KALRN: variants seen among roughly 807,000 people sequenced by gnomAD.
KALRN encodes kalirin.
KALRN carries 70 observed loss-of-function variants against 353.7 expected under a neutral mutation model. That is an observed-to-expected ratio of 0.20 (90% CI 0.16 to 0.24). The LOEUF (loss-of-function observed/expected upper bound fraction) is 0.24. Among genes scored for constraint, KALRN ranks in the 10% least tolerant of loss-of-function variants. KALRN has a pLI of 1.00. For missense variants in KALRN, 2,791 were observed against 3,756.7 expected, an observed-to-expected ratio of 0.74 and a Z score of 6.72; for synonymous variants, 1,391 against 1,434.8, an observed-to-expected ratio of 0.97 and a Z score of 0.69.
intron 7 of KALRN, among the ~76,000 whole-genome samples, chr3:124,326,906 T>C (rs891405208): frequency 2.6e-5 from 4 of 152,260 alleles, no homozygotes; most frequent in African/African-American, 9.6e-5. Flanking sequence ...ATTCATCACT[T>C]CCTGATTATT....
chr3:124,185,004 GGTTT>G (rs138428169), intron 1 of KALRN, among the ~76,000 whole-genome samples: 22 of 152,076 alleles, frequency 1.4e-4, no homozygotes, highest in Non-Finnish European at 2.2e-4. Flanking sequence ...CATTTATGGA[GGTTT>G]GTTTGTTTGT....
At chr3:124,195,726 G>C (rs973676576) in intron 1 of KALRN, among the ~76,000 whole-genome samples, 1 of 152,176 alleles carries the variant, frequency 6.6e-6, no homozygotes, top group Non-Finnish European at 1.5e-5. Context: ...ACAATGAGGA[G>C]CTGAGTTTAG....
At chr3:124,372,489 T>TACA (rs2085968732) in intron 10 of KALRN, among the ~76,000 whole-genome samples, 1 of 97,372 alleles carries the variant, frequency 1.0e-5, no homozygotes, top group Non-Finnish European at 2.2e-5. Flanking sequence ...TTTTCTTATC[T>TACA]ATAATATAAT....
intron 3 of KALRN, among the ~76,000 whole-genome samples, chr3:124,238,347 A>G (rs1401492594): frequency 6.6e-6 from 1 of 152,210 alleles, no homozygotes; most frequent in Non-Finnish European, 1.5e-5. Context: ...ATCAGGAGAA[A>G]GAACCTGCCC....
At chr3:124,289,291 T>C (rs2076221723) in intron 5 of KALRN, among the ~76,000 whole-genome samples, 1 of 152,204 alleles carries the variant, frequency 6.6e-6, no homozygotes. Context: ...CACATGAAAT[T>C]TGGGGGCACA....
intron 1 of KALRN, among the ~76,000 whole-genome samples, chr3:124,068,424 C>T (rs926424914): frequency 6.6e-6 from 1 of 152,192 alleles, no homozygotes; most frequent in African/African-American, 2.4e-5. Flanking sequence ...CCAGTGACAC[C>T]AATGACAGTC....
intron 21 of KALRN, among the ~76,000 whole-genome samples, chr3:124,452,902 C>T (rs1278047614): frequency 6.6e-6 from 1 of 152,132 alleles, no homozygotes; most frequent in Non-Finnish European, 1.5e-5. Context: ...GCTGTAAAAC[C>T]CTTTCTTATA....
chr3:124,513,431 A>G (rs1205149950), intron 33 of KALRN, among the ~76,000 whole-genome samples: 2 of 152,122 alleles, frequency 1.3e-5, no homozygotes, highest in African/African-American at 2.4e-5. Flanking sequence ...GACCCAGGTC[A>G]GGAGGACACA....
At chr3:124,082,161 G>C in intron 1 of KALRN, 1 of 428,466 alleles carries the variant, frequency 2.3e-6, no homozygotes, top group South Asian at 1.7e-5. Context: ...ATGGCTTCCC[G>C]GGCTGGGGTT....
rs186710731 is a variant in KALRN at position 124,111,653 on chromosome 3, T to C, written c.73+77840T>C. On this transcript the variant is annotated intron_variant, in intron 1 of 59. Coordinates refer to ENST00000682506, the MANE Select transcript of KALRN (RefSeq NM_001388419.1). The stretch of plus-strand genomic sequence containing the variant: ...TACTTTGAGACCTACGTGCTCTGAA[T>C]GGTGCAAGAAAATATAGAGCCAAAC... Among the ~76,000 whole-genome samples the C allele has an allele frequency of 5.8e-4, 89 of 152,316 alleles. No individual in the cohort carries two copies. In the South Asian group the frequency reaches 9.5e-3, roughly 16 times the overall value.
chr3:124,619,569 C>T (rs2079046107), intron 34 of KALRN, among the ~76,000 whole-genome samples: 1 of 145,650 alleles, frequency 6.9e-6, no homozygotes, highest in Admixed American at 7.1e-5. Flanking sequence ...CTCACTGCAA[C>T]CCCGCCTCCC....
chr3:124,261,789 A>T (rs2072904532), intron 3 of KALRN, among the ~76,000 whole-genome samples: 1 of 152,242 alleles, frequency 6.6e-6, no homozygotes, highest in African/African-American at 2.4e-5. Flanking sequence ...ATCTCTAAGG[A>T]AAGGCAAGAC....
chr3:124,712,459 T>C (rs1274137630), intron 57 of KALRN, among the ~76,000 whole-genome samples: 1 of 152,006 alleles, frequency 6.6e-6, no homozygotes, highest in Non-Finnish European at 1.5e-5. Flanking sequence ...TGAACTGCCA[T>C]TGATGGTTAA....
intron 6 of KALRN, among the ~76,000 whole-genome samples, chr3:124,323,083 T>C (rs918288670): frequency 1.5e-5 from 2 of 135,760 alleles, no homozygotes; most frequent in Non-Finnish European, 3.3e-5. Flanking sequence ...CGCCTGCTGA[T>C]AAGGAAACAA....
intron 34 of KALRN, among the ~76,000 whole-genome samples, chr3:124,571,353 C>G (rs1405309796): frequency 6.6e-6 from 1 of 152,208 alleles, no homozygotes; most frequent in Non-Finnish European, 1.5e-5. Flanking sequence ...TTGAGAACTT[C>G]ACAGTCCATC....
intron 34 of KALRN, among the ~76,000 whole-genome samples, chr3:124,586,553 G>C (rs1408392508): frequency 6.6e-6 from 1 of 152,192 alleles, no homozygotes; most frequent in Non-Finnish European, 1.5e-5. Context: ...TGGCTCCAGG[G>C]CCTGGTAAGT....
intron 1 of KALRN, among the ~76,000 whole-genome samples, chr3:124,209,134 T>A (rs2076683882): frequency 6.6e-6 from 1 of 152,116 alleles, no homozygotes; most frequent in Admixed American, 6.5e-5. Context: ...TTTGGTGTTA[T>A]TAGCCTTATT....
intron 58 of KALRN, among the ~76,000 whole-genome samples, chr3:124,714,609 A>G (rs2063043630): frequency 6.6e-6 from 1 of 152,226 alleles, no homozygotes; most frequent in South Asian, 2.1e-4. Context: ...CTAGTTTAGC[A>G]AACGTTTACT....
intron 57 of KALRN, among the ~76,000 whole-genome samples, chr3:124,706,185 G>T (rs2062605292): frequency 6.6e-6 from 1 of 152,226 alleles, no homozygotes; most frequent in African/African-American, 2.4e-5. Flanking sequence ...GGGATTGCAG[G>T]CATAATCCAC....
Sources: allele counts gnomAD v4.1 joint callset (sites outside exome capture counted in the v4.1 genomes callset), GRCh38; gene constraint gnomAD v4.1.1; transcripts MANE v1.5; gene names NCBI Gene and HGNC (gene_info 2026-07-23, HGNC 2026-07-21).